The following SIPA1L1 variants were observed in gnomAD, a reference collection of about 807,000 sequenced individuals.
SIPA1L1 encodes signal induced proliferation associated 1 like 1, also known as signal-induced proliferation-associated 1-like protein 1.
SIPA1L1 carries 26 observed loss-of-function variants against 162.7 expected under a neutral mutation model. The observed-to-expected ratio is 0.16, with a 90% CI of 0.12 to 0.22. SIPA1L1 has a LOEUF of 0.22. Among genes scored for constraint, SIPA1L1 ranks in the 10% least tolerant of loss-of-function variants. The probability of loss-of-function intolerance (pLI) is 1.00; values close to 1 mark genes in which losing one functional copy is unlikely to be tolerated. For synonymous variants in SIPA1L1, 829 were observed against 837.4 expected, an observed-to-expected ratio of 0.99 and a Z score of 0.17; for missense variants, 1,874 against 2,241.0, an observed-to-expected ratio of 0.84 and a Z score of 3.31.
chr14:71,547,212 A>C (rs1034025830), intron 4 of SIPA1L1, among the ~76,000 whole-genome samples: 1 of 151,548 alleles, frequency 6.6e-6, no homozygotes, highest in African/African-American at 2.4e-5. Flanking sequence ...TAATTGAATA[A>C]CTTTTATTTT....
chr14:71,570,017 A>G (rs939371295), intron 4 of SIPA1L1, among the ~76,000 whole-genome samples: 2 of 152,140 alleles, frequency 1.3e-5, no homozygotes, highest in Non-Finnish European at 2.9e-5. Context: ...AGCTTCTACT[A>G]TGGAAGGCAG....
chr14:71,573,575 C>T (rs1302096353), intron 4 of SIPA1L1: 1 of 456,616 alleles, frequency 2.2e-6, no homozygotes, highest in Non-Finnish European at 4.4e-6. Flanking sequence ...CTCCTGGGAC[C>T]TGCTGAAGGA....
At chr14:71,328,450 A>G (rs1469849922) in intron 2 of SIPA1L1, among the ~76,000 whole-genome samples, 3 of 152,224 alleles carry the variant, frequency 2.0e-5, no homozygotes, top group Non-Finnish European at 4.4e-5. Flanking sequence ...GAAGCTCAGT[A>G]GGTGATTCTG....
chr14:71,644,850 C>T (rs548226008), intron 7 of SIPA1L1, among the ~76,000 whole-genome samples: 1 of 152,248 alleles, frequency 6.6e-6, no homozygotes, highest in African/African-American at 2.4e-5. Flanking sequence ...AATACACAAG[C>T]CTGAATGACT....
intron 2 of SIPA1L1, among the ~76,000 whole-genome samples, chr14:71,388,396 A>G (rs2040501233): frequency 6.6e-6 from 1 of 152,218 alleles, no homozygotes; most frequent in Non-Finnish European, 1.5e-5. Context: ...AAACCACATG[A>G]ATATTATTAT....
At chr14:71,419,366 T>C (rs1222000607) in intron 2 of SIPA1L1, among the ~76,000 whole-genome samples, 1 of 151,974 alleles carries the variant, frequency 6.6e-6, no homozygotes, top group African/African-American at 2.4e-5. Context: ...GATAAATATC[T>C]GTCTTTGTGT....
rs377570736 is a variant in SIPA1L1 at position 71,365,776 on chromosome 14, C to T, written c.-465+44595C>T. ...GGTCTGGCTCTGTCACCCAGGCTGT[C>T]GTGCAGTGCTGAGATCTTGGCTCAC... is the stretch of plus-strand genomic sequence containing the variant. On this transcript the variant is annotated intron_variant, in intron 2 of 23. Coordinates refer to ENST00000381232, the MANE Select transcript of SIPA1L1 (RefSeq NM_001386936.1). 1.1e-3 allele frequency among the ~76,000 whole-genome samples: 162 copies of T among 150,116 alleles called. 1 individual carries two copies. Among genetic ancestry groups the T allele is most frequent in the South Asian group, 8.8e-3 (42 of 4,748 alleles).
Position 71,323,631 on chromosome 14 carries a change from CT to C in SIPA1L1, c.-465+2460del, listed in dbSNP as rs545512090. Among the ~76,000 whole-genome samples, 35 of 150,164 alleles carry C rather than the reference CT, an allele frequency of 2.3e-4. 1 individual carries two copies. Among genetic ancestry groups the C allele is most frequent in the East Asian group, 3.9e-4 (2 of 5,134 alleles). ...AGAACTAGAGCGCTGATAGAGCACACTTTTTTTTTTCCCCTTTGGATCAAAT... is the reference window on the plus strand; with the variant it reads ...AGAACTAGAGCGCTGATAGAGCACACTTTTTTTTTCCCCTTTGGATCAAAT... On this transcript the variant is annotated intron_variant, in intron 2 of 23. Coordinates refer to ENST00000381232, the MANE Select transcript of SIPA1L1 (RefSeq NM_001386936.1).
intron 2 of SIPA1L1, among the ~76,000 whole-genome samples, chr14:71,453,006 A>C (rs1254330700): frequency 6.6e-6 from 1 of 152,206 alleles, no homozygotes; most frequent in Non-Finnish European, 1.5e-5. Flanking sequence ...TACAACATCC[A>C]AATTTTGCTG....
At chr14:71,707,354 A>G (rs1030722996) in intron 16 of SIPA1L1, among the ~76,000 whole-genome samples, 7 of 152,194 alleles carry the variant, frequency 4.6e-5, no homozygotes, top group African/African-American at 1.2e-4. Context: ...TTCACATACC[A>G]TAGTATTTAC....
intron 4 of SIPA1L1, among the ~76,000 whole-genome samples, chr14:71,578,725 C>T (rs1567234463): frequency 1.3e-5 from 2 of 152,208 alleles, no homozygotes; most frequent in South Asian, 2.1e-4. Flanking sequence ...ATCTGTCTGA[C>T]GTGGCAGGCA....
At chr14:71,333,299 T>G (rs1006302510) in intron 2 of SIPA1L1, among the ~76,000 whole-genome samples, 9 of 152,224 alleles carry the variant, frequency 5.9e-5, no homozygotes, top group Admixed American at 5.9e-4. Flanking sequence ...TGTCACTGAA[T>G]GCAGAACAGT....
At chr14:71,459,053 CAG>C (rs2046390447) in intron 2 of SIPA1L1, among the ~76,000 whole-genome samples, 2 of 147,748 alleles carry the variant, frequency 1.4e-5, no homozygotes, top group South Asian at 2.1e-4. Context: ...GCCTGGGCAA[CAG>C]AGAGAGGCTC....
At chr14:71,480,391 A>G (rs570948935) in intron 2 of SIPA1L1, among the ~76,000 whole-genome samples, 24 of 148,106 alleles carry the variant, frequency 1.6e-4, no homozygotes, top group African/African-American at 5.2e-4. Context: ...GCCCGGCCAG[A>G]CTAGTGTTTT....
chr14:71,679,938 C>T (rs2045629669), intron 12 of SIPA1L1, among the ~76,000 whole-genome samples: 1 of 152,130 alleles, frequency 6.6e-6, no homozygotes, highest in Non-Finnish European at 1.5e-5. Flanking sequence ...TAAAGCAAGT[C>T]CTTAGAGACC....
intron 2 of SIPA1L1, among the ~76,000 whole-genome samples, chr14:71,422,508 A>G (rs1441058457): frequency 6.6e-6 from 1 of 152,124 alleles, no homozygotes; most frequent in Non-Finnish European, 1.5e-5. Context: ...CCTGATGTCC[A>G]TCATTCTGCT....
At chr14:71,665,277 T>C (rs1236500973) in intron 10 of SIPA1L1, among the ~76,000 whole-genome samples, 1 of 152,216 alleles carries the variant, frequency 6.6e-6, no homozygotes, top group African/African-American at 2.4e-5. Flanking sequence ...ATAGTGGATC[T>C]AGACATGAGA....
At chr14:71,477,501 T>TAATC (rs1248660002) in intron 2 of SIPA1L1, among the ~76,000 whole-genome samples, 1 of 152,200 alleles carries the variant, frequency 6.6e-6, no homozygotes, top group Non-Finnish European at 1.5e-5. Flanking sequence ...ATTAATTAAT[T>TAATC]AATCAATTAA....
chr14:71,366,437 ATTATT>A (rs1400113020), intron 2 of SIPA1L1, among the ~76,000 whole-genome samples: 1 of 152,014 alleles, frequency 6.6e-6, no homozygotes, highest in Non-Finnish European at 1.5e-5. Flanking sequence ...CTCTGCATTT[ATTATT>A]TTATTTTATT....
Sources: gnomAD v4.1 joint callset for allele counts (sites outside exome capture counted in the v4.1 genomes callset) on GRCh38, gnomAD v4.1.1 for gene constraint, MANE v1.5 for transcripts, NCBI Gene and HGNC (gene_info 2026-07-23, HGNC 2026-07-21) for gene names.